The following AP3M2 variants were observed in gnomAD, a reference collection of about 807,000 sequenced individuals.
AP3M2 encodes adaptor related protein complex 3 subunit mu 2, also known as AP-3 complex subunit mu-2.
AP3M2 carries 28 observed loss-of-function variants against 41.6 expected under a neutral mutation model. The ratio of observed to expected loss-of-function variants is 0.67; its 90% CI spans 0.50 to 0.92. The LOEUF is 0.92. AP3M2 is among the 40% of genes least tolerant of loss of function. The pLI, the probability that AP3M2 is intolerant of heterozygous loss-of-function variation, is 0.00. For synonymous variants in AP3M2, 193 were observed against 186.4 expected (o/e 1.04, Z -0.29); for missense variants, 427 against 521.4 (o/e 0.82, Z 1.76).
rs1259897752 is a variant in AP3M2 at position 42,154,897 on chromosome 8, C to T, written c.210C>T (p.Ile70=). The change falls in exon 2 of 9, where the codon ATC becomes ATT. Residue 70 remains isoleucine (I), a synonymous_variant. Coordinates refer to ENST00000396926, the MANE Select transcript of AP3M2 (RefSeq NM_006803.4). ...ACAAGATCTTTTTTGTGGCCGTGAT[C>T]CAGACGGAGGTCCCCCCTCTGTTTG... ...YRHKIFFVAV[I]QTEVPPLFVI... 1.2e-6 allele frequency: 2 copies of T among 1,614,048 alleles called. No individual in the cohort carries two copies. Among genetic ancestry groups the T allele is most frequent in the African/African-American group, 2.7e-5 (2 of 74,914 alleles).
At chr8:42,168,711 A>G (rs969521951) in intron 8 of AP3M2, among the ~76,000 whole-genome samples, 98 of 152,166 alleles carry the variant, frequency 6.4e-4, no homozygotes, top group Non-Finnish European at 1.4e-3. Flanking sequence ...TCCTCATTTT[A>G]GTCTGCACAT....
At chr8:42,156,642 T>C (rs1309850116) in intron 2 of AP3M2, among the ~76,000 whole-genome samples, 1 of 152,236 alleles carries the variant, frequency 6.6e-6, no homozygotes, top group Non-Finnish European at 1.5e-5. Context: ...AATTTTCCTC[T>C]TAAAGAGGAA....
intron 6 of AP3M2, among the ~76,000 whole-genome samples, chr8:42,166,344 A>G (rs952543736): frequency 2.6e-5 from 4 of 152,152 alleles, no homozygotes; most frequent in African/African-American, 7.2e-5. Flanking sequence ...ACCATTTAGC[A>G]TAGTGACTGG....
At position 42,155,203 on chromosome 8, in the gene AP3M2, A is replaced by G. The variant is rs148043377; in HGVS notation, c.273+243A>G. ...AAGTCATCCTATTTGCGATGACTAT[A>G]TATAGCCTTTCTAGCTCTGATTCTA... On this transcript the variant is annotated intron_variant, in intron 2 of 8. Transcript: ENST00000396926. 2.0e-4 allele frequency among the ~76,000 whole-genome samples: 30 copies of G among 152,382 alleles called. 1 individual carries two copies. In the East Asian group the frequency reaches 5.8e-3, roughly 29 times the overall value.
chr8:42,160,254 T>G (rs1804474330), intron 3 of AP3M2, among the ~76,000 whole-genome samples: 1 of 152,236 alleles, frequency 6.6e-6, no homozygotes, highest in Admixed American at 6.5e-5. Flanking sequence ...TAAAGATTAC[T>G]CAATCTGTAT....
Position 42,169,782 on chromosome 8 carries a change from T to C in AP3M2, c.*721T>C, listed in dbSNP as rs1014342282. 8 of 152,254 alleles carry C rather than the reference T, an allele frequency of 5.3e-5. No homozygotes were observed. Among genetic ancestry groups the C allele is most frequent in the African/African-American group, 1.9e-4 (8 of 41,474 alleles). 9.4% of individuals were successfully genotyped at this position (152,254 alleles called of 1,614,324 possible). A position where few individuals can be genotyped will look rare whatever the true frequency, so the allele number is the denominator to read the frequency against. On this transcript the variant is annotated 3_prime_UTR_variant, in exon 9 of 9. Coordinates refer to ENST00000396926, the MANE Select transcript of AP3M2 (RefSeq NM_006803.4). ...TGGTATCGGACTAGTTTTCAGACAC[T>C]GCCTGTTGCTGTCCATCAGCACTTG...
chr8:42,162,477 A>G, intron 4 of AP3M2, 59 bp downstream of exon 4: 1 of 1,533,638 alleles, frequency 6.5e-7, no homozygotes, highest in Non-Finnish European at 8.8e-7. Context: ...TCTTTCATAT[A>G]ATGCTTGTAG....
intron 8 of AP3M2, chr8:42,168,100 T>G (rs1371574009): frequency 1.8e-6 from 1 of 554,346 alleles, no homozygotes; most frequent in Admixed American, 2.2e-5. Context: ...ATCTTAGGGT[T>G]GTTCATTTCA....
chr8:42,165,647 T>C, intron 6 of AP3M2, 87 bp downstream of exon 6: 1 of 1,494,192 alleles, frequency 6.7e-7, no homozygotes, highest in East Asian at 2.3e-5. Context: ...ACTCAGGCTC[T>C]AGAGTTACCT....
chr8:42,167,575 C>T, intron 7 of AP3M2, 91 bp from the exon 8 acceptor site: 2 of 1,494,266 alleles, frequency 1.3e-6, no homozygotes, highest in Admixed American at 2.1e-5. Context: ...GGACAGGTGC[C>T]CTGAGTTTAG....
At chr8:42,155,822 T>C in intron 2 of AP3M2, 1 of 328,962 alleles carries the variant, frequency 3.0e-6, no homozygotes, top group Non-Finnish European at 6.1e-6. Flanking sequence ...ATTGTGGAAT[T>C]GGAGAAGAGA....
At chr8:42,167,854 G>A (rs1022074670) in intron 8 of AP3M2, 44 bp downstream of exon 8, 24 of 1,571,502 alleles carry the variant, frequency 1.5e-5, no homozygotes, top group Admixed American at 8.4e-5. Flanking sequence ...GAACAAAAAC[G>A]GCTTTCTGCC....
chr8:42,155,081 C>T, intron 2 of AP3M2, 121 bp downstream of exon 2: 2 of 791,192 alleles, frequency 2.5e-6, no homozygotes, highest in South Asian at 3.5e-5. Context: ...TGGTATTACT[C>T]ACTTCCTCTC....
intron 3 of AP3M2, among the ~76,000 whole-genome samples, chr8:42,158,654 T>C (rs73633227): frequency 6.6e-6 from 1 of 152,292 alleles, no homozygotes; most frequent in African/African-American, 2.4e-5. Context: ...TTTTTCTGAT[T>C]ACAGAAGAAA....
rs77150745 is a variant in AP3M2 at position 42,155,664 on chromosome 8, C to T, written c.273+704C>T. 8.4e-4 allele frequency: 160 copies of T among 189,912 alleles called. 1 individual carries two copies. The highest frequency in any genetic ancestry group is 7.1e-3 in the Middle Eastern group (3 of 424). 11.8% of individuals were successfully genotyped at this position (189,912 alleles called of 1,614,324 possible). The stretch of plus-strand genomic sequence containing the variant: ...CACAGGAGTTCAGACAGCACCGGCC[C>T]TGGATTCACACAGAGGAACTTTCTC... On this transcript the variant is annotated intron_variant, in intron 2 of 8. Transcript: ENST00000396926.
intron 3 of AP3M2, 138 bp downstream of exon 3, chr8:42,158,250 GTTTT>G: frequency 2.7e-4 from 62 of 228,460 alleles, no homozygotes; most frequent in Non-Finnish European, 2.9e-4. Context: ...CTTTGTAGTT[GTTTT>G]TTTTTTTTTT....
chr8:42,161,379 G>C (rs942226105), intron 3 of AP3M2, among the ~76,000 whole-genome samples: 12 of 152,148 alleles, frequency 7.9e-5, no homozygotes, highest in Non-Finnish European at 1.6e-4. Flanking sequence ...GGGAGGCCGA[G>C]TTGGGTGGAT....
At chr8:42,165,701 A>G (rs1417254507) in intron 6 of AP3M2, 141 bp downstream of exon 6, 3 of 978,954 alleles carry the variant, frequency 3.1e-6, no homozygotes, top group African/African-American at 1.6e-5. Flanking sequence ...GGGTAACCTC[A>G]GGTGAGTTGC....
chr8:42,167,633 A>G, intron 7 of AP3M2, 33 bp from the exon 8 acceptor site: 1 of 1,591,526 alleles, frequency 6.3e-7, no homozygotes. Flanking sequence ...ATTTTTTGGA[A>G]AGACCACTTC....
Sources: gnomAD v4.1 joint callset for allele counts (sites outside exome capture counted in the v4.1 genomes callset) on GRCh38, gnomAD v4.1.1 for gene constraint, MANE v1.5 for transcripts, NCBI Gene and HGNC (gene_info 2026-07-23, HGNC 2026-07-21) for gene names.